The following FMN2 variants were observed in gnomAD, a reference collection of about 807,000 sequenced individuals.
The protein encoded by FMN2 is formin 2.
Under a neutral mutation model 142.3 loss-of-function variants are expected in FMN2, and 51 were observed. The ratio of observed to expected loss-of-function variants is 0.36; its 90% confidence interval spans 0.29 to 0.45. The LOEUF is 0.45. Ranked by LOEUF, FMN2 falls within the 20% of genes least tolerant of loss-of-function variation. FMN2 has a pLI of 1.00. For synonymous variants in FMN2, 882 were observed against 869.8 expected (o/e 1.01, Z -0.25); for missense variants, 1,936 against 2,122.8 (o/e 0.91, Z 1.73).
At chr1:240,358,185 C>T (rs1672338555) in intron 14 of FMN2, among the ~76,000 whole-genome samples, 1 of 152,092 alleles carries the variant, frequency 6.6e-6, no homozygotes, top group Non-Finnish European at 1.5e-5. Flanking sequence ...TTTCAGTATG[C>T]CCAGCTATTC....
intron 13 of FMN2, among the ~76,000 whole-genome samples, chr1:240,344,101 A>G (rs2103032128): frequency 6.6e-6 from 1 of 152,320 alleles, no homozygotes; most frequent in Middle Eastern, 3.4e-3. Flanking sequence ...CTATTCAGGG[A>G]AATGGAGTGA....
At chr1:240,259,487 C>CTTTTTTTTTTTTTTTTTTT (rs35655150) in intron 7 of FMN2, among the ~76,000 whole-genome samples, 1 of 134,274 alleles carries the variant, frequency 7.4e-6, no homozygotes. Context: ...ACCCTGTACA[C>CTTTTTTTTTTTTTTTTTTT]TTTTTTTTTT....
chr1:240,261,866 G>GA (rs936265180), intron 7 of FMN2, among the ~76,000 whole-genome samples: 27 of 152,224 alleles, frequency 1.8e-4, no homozygotes, highest in South Asian at 6.2e-4. Context: ...TAATACCTCT[G>GA]AAAAAATCTC....
chr1:240,290,781 T>G (rs28754319), intron 7 of FMN2, among the ~76,000 whole-genome samples: 34 of 85,872 alleles, frequency 4.0e-4, no homozygotes, highest in African/African-American at 2.1e-3. Flanking sequence ...GTTTGTTTGG[T>G]TTTTTTTTTT....
chr1:240,107,016 A>T (rs1391166983), intron 1 of FMN2, among the ~76,000 whole-genome samples: 1 of 151,450 alleles, frequency 6.6e-6, no homozygotes, highest in Admixed American at 6.6e-5. Flanking sequence ...CCACTCTCCA[A>T]ATTTTCCAGT....
intron 5 of FMN2, among the ~76,000 whole-genome samples, chr1:240,209,943 G>T (rs940181854): frequency 6.6e-6 from 1 of 152,082 alleles, no homozygotes; most frequent in African/African-American, 2.4e-5. Flanking sequence ...TAAATAAAAT[G>T]CACAGCCCTG....
intron 7 of FMN2, among the ~76,000 whole-genome samples, chr1:240,290,685 A>C (rs1669748965): frequency 6.6e-6 from 1 of 151,924 alleles, no homozygotes; most frequent in African/African-American, 2.4e-5. Flanking sequence ...CTGAAAGATT[A>C]CTATGTTCTA....
chr1:240,385,998 C>T (rs1204066254), intron 14 of FMN2, among the ~76,000 whole-genome samples: 2 of 152,154 alleles, frequency 1.3e-5, no homozygotes, highest in African/African-American at 4.8e-5. Context: ...TCTCTTTCTT[C>T]CTCCTAGGAG....
At chr1:240,171,959 A>G (rs141042400) in intron 2 of FMN2, among the ~76,000 whole-genome samples, 1 of 152,192 alleles carries the variant, frequency 6.6e-6, no homozygotes, top group Non-Finnish European at 1.5e-5. Flanking sequence ...TGAAGAATTT[A>G]AGGATGTGGA....
intron 14 of FMN2, among the ~76,000 whole-genome samples, chr1:240,362,686 T>C (rs562336225): frequency 6.6e-6 from 1 of 152,230 alleles, no homozygotes; most frequent in Non-Finnish European, 1.5e-5. Context: ...TTCTCCTTTG[T>C]TGGCCTTCAG....
In FMN2 at chr1:240,116,240, G is replaced by A. The variant is rs370132202; in HGVS notation, c.1616-6939G>A. Among the ~76,000 whole-genome samples the A allele has an allele frequency of 5.9e-5, 9 of 152,302 alleles. No individual in the cohort carries two copies. In the South Asian group the frequency reaches 1.2e-3, roughly 21 times the overall value. On this transcript the variant is annotated intron_variant, in intron 1 of 17. Coordinates refer to ENST00000319653, the MANE Select transcript of FMN2 (RefSeq NM_020066.5). ...TCCGCTCTGTCTTCAGAGGCTTCAC[G>A]TAGCTGCCCCAACTGCCCCATGCAT...
intron 2 of FMN2, among the ~76,000 whole-genome samples, chr1:240,152,541 A>C (rs1404312476): frequency 6.6e-6 from 1 of 151,962 alleles, no homozygotes; most frequent in Non-Finnish European, 1.5e-5. Context: ...CATGCGGTAG[A>C]CTCATACATA....
At chr1:240,433,305 T>C (rs2103168102) in intron 15 of FMN2, among the ~76,000 whole-genome samples, 1 of 152,334 alleles carries the variant, frequency 6.6e-6, no homozygotes, top group Admixed American at 6.5e-5. Flanking sequence ...CTTTTTCCAC[T>C]GCAGTATTTT....
At chr1:240,391,221 GA>G (rs1450696620) in intron 14 of FMN2, among the ~76,000 whole-genome samples, 1 of 152,160 alleles carries the variant, frequency 6.6e-6, no homozygotes, top group African/African-American at 2.4e-5. Flanking sequence ...GCTGCCACCT[GA>G]AATGATCCCT....
At chr1:240,272,220 A>G (rs1307197932) in intron 7 of FMN2, among the ~76,000 whole-genome samples, 1 of 152,156 alleles carries the variant, frequency 6.6e-6, no homozygotes, top group Non-Finnish European at 1.5e-5. Flanking sequence ...CTTTAAGATC[A>G]GTGGGTGACT....
chr1:240,092,709 G>A lies in FMN2; in HGVS notation c.600G>A (p.Gln200=). The A allele has an allele frequency of 6.2e-7, 1 of 1,613,828 alleles. No individual in the cohort carries two copies. Among genetic ancestry groups the A allele is most frequent in the South Asian group, 1.1e-5 (1 of 91,080 alleles). ...AAGAGGATTTGCTTTCAGACATCCA[G>A]CAGGCGATCCGCCTGCAGCAGCAGC... The part of the protein sequence containing the change: ...TEQEDLLSDI[Q]QAIRLQQQQQ... Residue 200 remains glutamine (Q), a synonymous_variant, in exon 1 of 18, where the codon CAG becomes CAA. Transcript: ENST00000319653.
intron 7 of FMN2, among the ~76,000 whole-genome samples, chr1:240,260,563 G>T (rs1572128178): frequency 6.6e-6 from 1 of 152,110 alleles, no homozygotes; most frequent in Non-Finnish European, 1.5e-5. Flanking sequence ...TTTGAGAATT[G>T]TCTATTTATA....
chr1:240,092,201 A>G lies in FMN2; in HGVS notation c.92A>G (p.Asp31Gly), dbSNP rs745730585. 113 of 1,562,980 alleles carry G rather than the reference A, an allele frequency of 7.2e-5. No homozygotes were observed. Among genetic ancestry groups the G allele is most frequent in the Non-Finnish European group, 9.0e-5 (104 of 1,154,156 alleles). Residue 31 changes from aspartate to glycine, a missense_variant, in exon 1 of 18, where the codon GAT (aspartate) becomes GGT (glycine). By Grantham distance (94) the Asp-to-Gly change is moderately conservative. Coordinates refer to ENST00000319653, the MANE Select transcript of FMN2 (RefSeq NM_020066.5). The part of the protein sequence containing the change: ...GGAEDALGPR[D>G]VEATKKGSGG... ...GCCGAGGATGCGCTGGGGCCCAGGG[A>G]TGTGGAAGCCACAAAGAAGGGGAGC...
intron 2 of FMN2, chr1:240,145,213 A>G: frequency 1.4e-6 from 2 of 1,431,896 alleles, no homozygotes; most frequent in Non-Finnish European, 2.0e-6. Flanking sequence ...TCTCCAGTTC[A>G]TCTTGAAGCT....
Sources: gnomAD v4.1 joint callset for allele counts (sites outside exome capture counted in the v4.1 genomes callset) on GRCh38, gnomAD v4.1.1 for gene constraint, MANE v1.5 for transcripts, NCBI Gene and HGNC (gene_info 2026-07-23, HGNC 2026-07-21) for gene names.